ARHGAP15: variants seen among roughly 807,000 people sequenced by gnomAD.
ARHGAP15 encodes Rho GTPase activating protein 15, also known as rho GTPase-activating protein 15.
In ARHGAP15, 51 loss-of-function variants were observed where a neutral mutation model predicts 63.7. That is an observed-to-expected ratio of 0.80 (90% CI 0.64 to 1.01). The LOEUF (loss-of-function observed/expected upper bound fraction) is 1.01. Among genes scored for constraint, ARHGAP15 ranks in the 50% least tolerant of loss-of-function variants. The pLI is 0.00. For synonymous variants in ARHGAP15, 191 were observed against 193.8 expected, an observed-to-expected ratio of 0.99 and a Z score of 0.12; for missense variants, 560 against 564.6, an observed-to-expected ratio of 0.99 and a Z score of 0.08.
intron 6 of ARHGAP15, among the ~76,000 whole-genome samples, chr2:143,292,610 ACAGT>A (rs1352083107): frequency 6.6e-6 from 1 of 152,044 alleles, no homozygotes; most frequent in Admixed American, 6.6e-5. Flanking sequence ...AATAGAAAAG[ACAGT>A]CCTTTTAAAA....
At chr2:143,730,319 C>T (rs181162082) in intron 13 of ARHGAP15, among the ~76,000 whole-genome samples, 48 of 152,332 alleles carry the variant, frequency 3.2e-4, no homozygotes, top group African/African-American at 1.0e-3. Flanking sequence ...TAGACACACA[C>T]TGTAATCGTA....
intron 9 of ARHGAP15, among the ~76,000 whole-genome samples, chr2:143,506,394 C>T (rs1171769729): frequency 6.6e-6 from 1 of 152,110 alleles, no homozygotes; most frequent in Non-Finnish European, 1.5e-5. Flanking sequence ...TAGTTTTAAT[C>T]CCCCTATAAA....
intron 5 of ARHGAP15, among the ~76,000 whole-genome samples, chr2:143,246,910 G>A (rs542715848): frequency 2.6e-5 from 4 of 152,314 alleles, no homozygotes; most frequent in Admixed American, 2.6e-4. Context: ...CAAGAGACGG[G>A]CAAGGTCCTG....
At chr2:143,207,980 T>C (rs1692407079) in intron 3 of ARHGAP15, among the ~76,000 whole-genome samples, 1 of 152,118 alleles carries the variant, frequency 6.6e-6, no homozygotes, top group African/African-American at 2.4e-5. Flanking sequence ...TCTCCTCACC[T>C]CCACCATGCC....
Position 143,298,673 on chromosome 2 carries a change from A to G in ARHGAP15, c.474+48073A>G, listed in dbSNP as rs758300002. Among the ~76,000 whole-genome samples the G allele has an allele frequency of 3.3e-5, 5 of 152,062 alleles. No homozygotes were observed. The South Asian group carries it at 8.3e-4, about 25-fold the overall frequency. The stretch of plus-strand genomic sequence containing the variant: ...TTTAATCAGAAAATATGTTAATAAA[A>G]TCCACATGCATGGTTTTAATCTCCT... On this transcript the variant is annotated intron_variant, in intron 6 of 13. Transcript: ENST00000295095.
intron 2 of ARHGAP15, among the ~76,000 whole-genome samples, chr2:143,165,991 A>AAAGAAAGAAAGAAAGAAAGAAAGG (rs1331386610): frequency 1.0e-5 from 1 of 98,520 alleles, no homozygotes; most frequent in African/African-American, 3.2e-5. Context: ...AGAAAGAAAG[A>AAAGAAAGAAAGAAAGAAAGAAAGG]AAGAAAGAAA....
chr2:143,553,274 A>C (rs939975554), intron 10 of ARHGAP15, among the ~76,000 whole-genome samples: 5 of 152,010 alleles, frequency 3.3e-5, no homozygotes, highest in Non-Finnish European at 5.9e-5. Context: ...TGTCATTTTC[A>C]CTCTATTTAT....
intron 11 of ARHGAP15, among the ~76,000 whole-genome samples, chr2:143,583,842 T>G (rs1373098756): frequency 6.6e-6 from 1 of 152,204 alleles, no homozygotes; most frequent in African/African-American, 2.4e-5. Context: ...TATAGTTCAA[T>G]GTCTACTACC....
At chr2:143,399,238 G>A (rs1199493022) in intron 6 of ARHGAP15, among the ~76,000 whole-genome samples, 4 of 151,530 alleles carry the variant, frequency 2.6e-5, no homozygotes, top group Admixed American at 6.6e-5. Context: ...TGCAGCTGTC[G>A]TAATTATCCC....
intron 6 of ARHGAP15, among the ~76,000 whole-genome samples, chr2:143,360,503 C>CAA (rs61561757): frequency 1.2e-4 from 18 of 146,378 alleles, no homozygotes; most frequent in Admixed American, 2.7e-4. Context: ...TAAATTTTAG[C>CAA]AAAAAAAAAA....
intron 12 of ARHGAP15, among the ~76,000 whole-genome samples, chr2:143,673,756 G>GTATATATATATA (rs1362315937): frequency 9.4e-4 from 29 of 30,982 alleles, no homozygotes; most frequent in African/African-American, 1.9e-3. Flanking sequence ...GTGTGTGTGT[G>GTATATATATATA]TGTATATATA....
chr2:143,291,293 A>G lies in ARHGAP15; in HGVS notation c.474+40693A>G, dbSNP rs115011412. Reference sequence around the variant, plus strand: ...TTTTGGGGGGTACTTGGGGATGACAATGAATATGATGATACATTAGACACT... The same window carrying G: ...TTTTGGGGGGTACTTGGGGATGACAGTGAATATGATGATACATTAGACACT... On this transcript the variant is annotated intron_variant, in intron 6 of 13. Coordinates refer to ENST00000295095, the MANE Select transcript of ARHGAP15 (RefSeq NM_018460.4). Among the ~76,000 whole-genome samples, 409 of 152,200 alleles carry G rather than the reference A, an allele frequency of 2.7e-3. 2 individuals carry two copies. The highest frequency in any genetic ancestry group is 9.5e-3 in the African/African-American group (395 of 41,546).
chr2:143,582,667 C>T (rs1696957592), intron 11 of ARHGAP15, among the ~76,000 whole-genome samples: 1 of 152,146 alleles, frequency 6.6e-6, no homozygotes, highest in African/African-American at 2.4e-5. Context: ...AACAGTAGAA[C>T]TAAAAGATGT....
At chr2:143,534,108 G>T (rs1033482319) in intron 10 of ARHGAP15, among the ~76,000 whole-genome samples, 1 of 152,242 alleles carries the variant, frequency 6.6e-6, no homozygotes, top group South Asian at 2.1e-4. Flanking sequence ...ATCGAGAGAC[G>T]AGGTGGAAGT....
chr2:143,412,209 A>G (rs1239262703), intron 6 of ARHGAP15, among the ~76,000 whole-genome samples: 1 of 152,292 alleles, frequency 6.6e-6, no homozygotes, highest in South Asian at 2.1e-4. Flanking sequence ...CGGAAGCTCT[A>G]TGTCGTGTTT....
At chr2:143,766,085 T>C (rs918042213) in intron 13 of ARHGAP15, among the ~76,000 whole-genome samples, 2 of 152,028 alleles carry the variant, frequency 1.3e-5, no homozygotes, top group African/African-American at 4.8e-5. Flanking sequence ...TTTCAAGAGA[T>C]GGACGGCATG....
At chr2:143,282,969 G>A (rs780029937) in intron 6 of ARHGAP15, among the ~76,000 whole-genome samples, 1 of 152,074 alleles carries the variant, frequency 6.6e-6, no homozygotes, top group African/African-American at 2.4e-5. Flanking sequence ...AGATCATTTC[G>A]GAGTATTGAT....
At chr2:143,133,246 C>T (rs1573988113) in intron 1 of ARHGAP15, among the ~76,000 whole-genome samples, 1 of 152,138 alleles carries the variant, frequency 6.6e-6, no homozygotes, top group Non-Finnish European at 1.5e-5. Flanking sequence ...TATGTCAAGG[C>T]ACAAAAACAC....
intron 6 of ARHGAP15, among the ~76,000 whole-genome samples, chr2:143,414,888 C>A (rs1394106983): frequency 6.6e-6 from 1 of 152,112 alleles, no homozygotes; most frequent in Non-Finnish European, 1.5e-5. Context: ...AAGATCACAC[C>A]ACTGCACTCC....
Sources: allele counts gnomAD v4.1 joint callset (sites outside exome capture counted in the v4.1 genomes callset), GRCh38; gene constraint gnomAD v4.1.1; transcripts MANE v1.5; gene names NCBI Gene and HGNC (gene_info 2026-07-23, HGNC 2026-07-21).